Variants in PTPRD observed in about 807,000 individuals in gnomAD.
PTPRD encodes protein tyrosine phosphatase receptor type D.
Under a neutral mutation model 214.5 loss-of-function variants are expected in PTPRD, and 34 were observed. That is an observed-to-expected ratio of 0.16 (90% CI 0.12 to 0.21). PTPRD has a LOEUF of 0.21. PTPRD is among the 10% of genes least tolerant of loss of function. PTPRD has a pLI of 1.00. For synonymous variants in PTPRD, 1,128 were observed against 845.7 expected (o/e 1.33, Z -5.79); for missense variants, 2,545 against 2,398.7 (o/e 1.06, Z -1.27).
intron 11 of PTPRD, among the ~76,000 whole-genome samples, chr9:8,786,033 T>TGTG (rs1555336933): frequency 2.8e-5 from 4 of 143,224 alleles, no homozygotes; most frequent in South Asian, 4.4e-4. Context: ...GCTTAATTTG[T>TGTG]TGTGTGTGTG....
intron 11 of PTPRD, among the ~76,000 whole-genome samples, chr9:8,863,753 T>C (rs2098147111): frequency 6.6e-6 from 1 of 152,184 alleles, no homozygotes; most frequent in African/African-American, 2.4e-5. Flanking sequence ...TCTGTCACCT[T>C]AACCTCTAAA....
chr9:8,734,266 T>C (rs1371997065), intron 11 of PTPRD, among the ~76,000 whole-genome samples: 1 of 152,206 alleles, frequency 6.6e-6, no homozygotes, highest in Admixed American at 6.5e-5. Context: ...AAAAAGGAAC[T>C]GTCACTTCTT....
intron 9 of PTPRD, among the ~76,000 whole-genome samples, chr9:9,298,415 C>T (rs569205709): frequency 6.6e-6 from 1 of 151,626 alleles, no homozygotes; most frequent in Non-Finnish European, 1.5e-5. Flanking sequence ...GATTTAATTT[C>T]TCCTGTGAAT....
chr9:8,984,795 C>T (rs1013660521), intron 11 of PTPRD, among the ~76,000 whole-genome samples: 1 of 152,076 alleles, frequency 6.6e-6, no homozygotes, highest in African/African-American at 2.4e-5. Context: ...GAATGTACCT[C>T]TGAAAAGCAT....
intron 44 of PTPRD, among the ~76,000 whole-genome samples, chr9:8,326,349 T>C (rs1167612046): frequency 6.6e-6 from 1 of 152,212 alleles, no homozygotes; most frequent in African/African-American, 2.4e-5. Context: ...TGTCATTGGC[T>C]CTGTGTATGT....
At chr9:8,447,417 T>A (rs2095774781) in intron 34 of PTPRD, among the ~76,000 whole-genome samples, 1 of 152,202 alleles carries the variant, frequency 6.6e-6, no homozygotes, top group African/African-American at 2.4e-5. Context: ...GTATCTTACC[T>A]AAAATTTAAC....
At chr9:9,900,582 T>C (rs1194083970) in intron 5 of PTPRD, among the ~76,000 whole-genome samples, 6 of 151,874 alleles carry the variant, frequency 4.0e-5, no homozygotes, top group Non-Finnish European at 7.4e-5. Flanking sequence ...TTGAGAGCCC[T>C]CCAAACTCTT....
At chr9:9,086,649 T>A (rs2099767466) in intron 10 of PTPRD, among the ~76,000 whole-genome samples, 1 of 152,220 alleles carries the variant, frequency 6.6e-6, no homozygotes, top group African/African-American at 2.4e-5. Context: ...TATAGGTGGC[T>A]GAATTCTGTA....
chr9:10,604,888 T>C (rs1357522474), intron 2 of PTPRD, among the ~76,000 whole-genome samples: 4 of 151,970 alleles, frequency 2.6e-5, no homozygotes, highest in African/African-American at 9.7e-5. Flanking sequence ...AAAAGTTTTT[T>C]GAAGGTGAAA....
chr9:9,815,584 G>A (rs1042394692), intron 5 of PTPRD, among the ~76,000 whole-genome samples: 1 of 152,084 alleles, frequency 6.6e-6, no homozygotes, highest in African/African-American at 2.4e-5. Flanking sequence ...AAATCCTACA[G>A]ACTGGGAAAA....
At chr9:8,494,596 A>G (rs2097219636) in intron 26 of PTPRD, among the ~76,000 whole-genome samples, 1 of 152,246 alleles carries the variant, frequency 6.6e-6, no homozygotes, top group African/African-American at 2.4e-5. Context: ...CTAACTGGAA[A>G]AAGCAGCAAG....
At chr9:10,114,206 G>A (rs1429257344) in intron 3 of PTPRD, among the ~76,000 whole-genome samples, 1 of 152,118 alleles carries the variant, frequency 6.6e-6, no homozygotes, top group Non-Finnish European at 1.5e-5. Flanking sequence ...ACAACCTGGC[G>A]AGAATATTAT....
chr9:9,605,220 G>T (rs1490734214), intron 7 of PTPRD, among the ~76,000 whole-genome samples: 1 of 152,006 alleles, frequency 6.6e-6, no homozygotes, highest in Non-Finnish European at 1.5e-5. Context: ...TTTTCACAGT[G>T]AAATAAAGTA....
intron 44 of PTPRD, among the ~76,000 whole-genome samples, chr9:8,324,609 T>C (rs1831762552): frequency 6.6e-6 from 1 of 152,202 alleles, no homozygotes; most frequent in South Asian, 2.1e-4. Context: ...CCTTTGGGTA[T>C]ACACTCAGTA....
intron 10 of PTPRD, among the ~76,000 whole-genome samples, chr9:9,100,096 A>G (rs937978290): frequency 6.6e-6 from 1 of 152,188 alleles, no homozygotes; most frequent in African/African-American, 2.4e-5. Flanking sequence ...AAATTCAGAA[A>G]GTAGATTATT....
intron 4 of PTPRD, among the ~76,000 whole-genome samples, chr9:10,006,617 C>A (rs990241103): frequency 1.3e-5 from 2 of 151,864 alleles, no homozygotes; most frequent in Non-Finnish European, 2.9e-5. Flanking sequence ...AATAACTGAG[C>A]AGGGTGTGTC....
intron 9 of PTPRD, among the ~76,000 whole-genome samples, chr9:9,300,648 T>A (rs565580404): frequency 6.6e-6 from 1 of 151,928 alleles, no homozygotes; most frequent in South Asian, 2.1e-4. Context: ...CTCTCACCTC[T>A]GTCTTCTGCT....
At chr9:10,527,775 C>T (rs1003061269) in intron 2 of PTPRD, among the ~76,000 whole-genome samples, 1 of 152,078 alleles carries the variant, frequency 6.6e-6, no homozygotes, top group African/African-American at 2.4e-5. Context: ...GCCATTATAT[C>T]AGCAGATGGG....
intron 35 of PTPRD, among the ~76,000 whole-genome samples, chr9:8,420,673 A>G (rs2296094): frequency 0.1 from 15,881 of 152,166 alleles, 955 homozygotes; most frequent in East Asian, 0.14. Flanking sequence ...TTACAATACA[A>G]CTGTGGAGAG....
Sources: gnomAD v4.1 joint callset for allele counts (sites outside exome capture counted in the v4.1 genomes callset) on GRCh38, gnomAD v4.1.1 for gene constraint, MANE v1.5 for transcripts, NCBI Gene and HGNC (gene_info 2026-07-23, HGNC 2026-07-21) for gene names.